BICC1: variants seen among roughly 807,000 people sequenced by gnomAD.
The protein encoded by BICC1 is BicC family RNA binding protein 1.
BICC1 carries 43 observed loss-of-function variants against 111.0 expected under a neutral mutation model. That is an observed-to-expected ratio of 0.39 (90% confidence interval 0.30 to 0.50). The LOEUF (loss-of-function observed/expected upper bound fraction) is 0.50. Ranked by LOEUF, BICC1 falls within the 20% of genes least tolerant of loss-of-function variation. The pLI, the probability that BICC1 is intolerant of heterozygous loss-of-function variation, is 0.88. For missense variants in BICC1, 1,091 were observed against 1,203.2 expected, an observed-to-expected ratio of 0.91 and a Z score of 1.38; for synonymous variants, 467 against 434.4, an observed-to-expected ratio of 1.07 and a Z score of -0.93.
At chr10:58,513,410 G>A in intron 1 of BICC1, 77 bp downstream of exon 1, 1 of 1,356,748 alleles carries the variant, frequency 7.4e-7, no homozygotes, top group Non-Finnish European at 9.7e-7. Context: ...GCGCGCTCCG[G>A]CGCCCGCTAC....
intron 3 of BICC1, among the ~76,000 whole-genome samples, chr10:58,709,592 T>C (rs552056866): frequency 6.6e-6 from 1 of 152,336 alleles, no homozygotes; most frequent in Admixed American, 6.5e-5. Context: ...AACTCAATCA[T>C]GGAAACAGTG....
intron 3 of BICC1, among the ~76,000 whole-genome samples, chr10:58,746,518 G>A (rs1462132894): frequency 6.6e-6 from 1 of 152,078 alleles, no homozygotes; most frequent in African/African-American, 2.4e-5. Flanking sequence ...GTAAGAAGGG[G>A]GAAAATGATT....
intron 2 of BICC1, among the ~76,000 whole-genome samples, chr10:58,692,914 G>A (rs1839954152): frequency 1.3e-5 from 2 of 151,368 alleles, no homozygotes; most frequent in Non-Finnish European, 2.9e-5. Flanking sequence ...ACAACGTGCA[G>A]GTTTGTTACA....
At chr10:58,725,271 T>G (rs925224489) in intron 3 of BICC1, among the ~76,000 whole-genome samples, 12 of 152,168 alleles carry the variant, frequency 7.9e-5, no homozygotes, top group African/African-American at 2.9e-4. Context: ...AAGGATGCAG[T>G]GAGGTTTTAC....
At chr10:58,565,798 A>G (rs1843737435) in intron 1 of BICC1, among the ~76,000 whole-genome samples, 1 of 151,932 alleles carries the variant, frequency 6.6e-6, no homozygotes, top group Admixed American at 6.6e-5. Context: ...TTTTTTTTGA[A>G]AGGTCAATAT....
At chr10:58,609,371 A>G (rs568112482) in intron 1 of BICC1, among the ~76,000 whole-genome samples, 2 of 152,308 alleles carry the variant, frequency 1.3e-5, no homozygotes, top group South Asian at 2.1e-4. Flanking sequence ...TCAGTTCCTC[A>G]TAGCCTGTAG....
At position 58,601,164 on chromosome 10, in the gene BICC1, AT is replaced by A. The variant is rs1564506858; in HGVS notation, c.191-19690del. Among the ~76,000 whole-genome samples the A allele has an allele frequency of 9.9e-4, 139 of 140,492 alleles. 2 individuals carry two copies. Among genetic ancestry groups the A allele is most frequent in the African/African-American group, 3.3e-3 (131 of 39,226 alleles). The allele number at this position is 140,492 out of a possible 152,430, so 92.2% of individuals were successfully genotyped here. A position where few individuals can be genotyped will look rare whatever the true frequency, so the allele number is the denominator to read the frequency against. On this transcript the variant is annotated intron_variant, in intron 1 of 20. Transcript: ENST00000373886. Reference sequence around the variant, plus strand: ...CTTATATATATATATATATATATATATATATATCTCCCAATAAAATTTGGAA... The same window carrying A: ...CTTATATATATATATATATATATATAATATATCTCCCAATAAAATTTGGAA...
chr10:58,774,491 T>G (rs1426751605), intron 3 of BICC1, among the ~76,000 whole-genome samples: 1 of 152,204 alleles, frequency 6.6e-6, no homozygotes, highest in Non-Finnish European at 1.5e-5. Flanking sequence ...ATGAGTATTT[T>G]TTGTGCATTA....
chr10:58,718,742 A>ATTG (rs1554824845), intron 3 of BICC1, among the ~76,000 whole-genome samples: 4 of 148,448 alleles, frequency 2.7e-5, no homozygotes, highest in African/African-American at 7.6e-5. Context: ...TAGCATGGAA[A>ATTG]TGTGTGTGTG....
chr10:58,590,748 T>G (rs563625313), intron 1 of BICC1, among the ~76,000 whole-genome samples: 1 of 152,206 alleles, frequency 6.6e-6, no homozygotes, highest in Non-Finnish European at 1.5e-5. Flanking sequence ...GCATTTAAGA[T>G]CCTTCCCCAT....
At chr10:58,665,223 A>C (rs1234920961) in intron 2 of BICC1, among the ~76,000 whole-genome samples, 4 of 152,120 alleles carry the variant, frequency 2.6e-5, no homozygotes. Flanking sequence ...CAGTGTTCCC[A>C]CCTCTCTCAA....
chr10:58,618,350 T>G (rs985917788), intron 1 of BICC1, among the ~76,000 whole-genome samples: 1 of 152,234 alleles, frequency 6.6e-6, no homozygotes, highest in Admixed American at 6.5e-5. Context: ...TTCCACTCCT[T>G]ACATAACCAC....
intron 2 of BICC1, among the ~76,000 whole-genome samples, chr10:58,659,204 A>G (rs1838761361): frequency 6.6e-6 from 1 of 152,204 alleles, no homozygotes; most frequent in Admixed American, 6.5e-5. Flanking sequence ...AAAGAGCTCA[A>G]TACCATTCAA....
At chr10:58,638,307 A>T (rs1023493767) in intron 2 of BICC1, among the ~76,000 whole-genome samples, 6 of 152,064 alleles carry the variant, frequency 3.9e-5, no homozygotes, top group African/African-American at 1.5e-4. Context: ...ATGGTAAGTA[A>T]TTACAGAGTT....
chr10:58,794,758 A>G lies in BICC1; in HGVS notation c.1179+1143A>G, dbSNP rs372127502. Among the ~76,000 whole-genome samples the G allele has an allele frequency of 5.9e-5, 9 of 152,266 alleles. No homozygotes were observed. The East Asian group carries it at 9.7e-4, about 16-fold the overall frequency. On this transcript the variant is annotated intron_variant, in intron 9 of 20. Transcript: ENST00000373886. ...TTATTAAGTGCTAGTAAGAATGAGG[A>G]AAGAGGAATGTTTCTACATTAGTAT... is the stretch of plus-strand genomic sequence containing the variant.
intron 1 of BICC1, among the ~76,000 whole-genome samples, chr10:58,515,858 G>T (rs1274899407): frequency 6.6e-6 from 1 of 152,096 alleles, no homozygotes; most frequent in African/African-American, 2.4e-5. Context: ...AATATCTGTT[G>T]TTATTATTAA....
At chr10:58,584,433 G>A (rs1241882557) in intron 1 of BICC1, among the ~76,000 whole-genome samples, 1 of 152,118 alleles carries the variant, frequency 6.6e-6, no homozygotes, top group Non-Finnish European at 1.5e-5. Context: ...GGGAGGAGGT[G>A]ACTTCGGCAA....
intron 3 of BICC1, among the ~76,000 whole-genome samples, chr10:58,710,231 AG>A (rs1840530747): frequency 6.6e-6 from 1 of 152,222 alleles, no homozygotes; most frequent in East Asian, 1.9e-4. Flanking sequence ...GGTAAGTAGC[AG>A]ACCTCAAACC....
intron 5 of BICC1, among the ~76,000 whole-genome samples, chr10:58,787,419 G>T (rs181736818): frequency 5.2e-4 from 79 of 152,248 alleles, no homozygotes; most frequent in Non-Finnish European, 9.4e-4. Flanking sequence ...CCATTGCCTG[G>T]TAGAGACCTG....
Sources: allele counts gnomAD v4.1 joint callset (sites outside exome capture counted in the v4.1 genomes callset), GRCh38; gene constraint gnomAD v4.1.1; transcripts MANE v1.5; gene names NCBI Gene and HGNC (gene_info 2026-07-23, HGNC 2026-07-21).